The following ARHGEF3 variants were observed in gnomAD, a reference collection of about 807,000 sequenced individuals.
ARHGEF3 encodes the protein 59.8 kDA protein.
A neutral mutation model predicts 63.2 loss-of-function variants in ARHGEF3; 28 were observed. That is an observed-to-expected ratio of 0.44 (90% confidence interval 0.33 to 0.61). The LOEUF is 0.61. Ranked by LOEUF, ARHGEF3 falls within the 20% of genes least tolerant of loss-of-function variation. The pLI is 0.03. For missense variants in ARHGEF3, 533 were observed against 659.3 expected, an observed-to-expected ratio of 0.81 and a Z score of 2.10; for synonymous variants, 266 against 254.2, an observed-to-expected ratio of 1.05 and a Z score of -0.44.
At chr3:56,862,978 C>A (rs1264485651) in intron 4 of ARHGEF3, among the ~76,000 whole-genome samples, 1 of 152,130 alleles carries the variant, frequency 6.6e-6, no homozygotes, top group Non-Finnish European at 1.5e-5. Flanking sequence ...TAATTAAAGA[C>A]CGGTCTTGTT....
chr3:56,888,478 G>A (rs1160952025), intron 3 of ARHGEF3, among the ~76,000 whole-genome samples: 2 of 152,194 alleles, frequency 1.3e-5, no homozygotes, highest in Admixed American at 6.5e-5. Context: ...GGCAGTTACA[G>A]AGGAGAATTT....
At chr3:56,869,298 T>G (rs1275413099) in intron 4 of ARHGEF3, among the ~76,000 whole-genome samples, 1 of 152,228 alleles carries the variant, frequency 6.6e-6, no homozygotes, top group African/African-American at 2.4e-5. Context: ...GATAAGCCCG[T>G]GATTTCGTTT....
chr3:56,877,167 G>A (rs533962472), intron 4 of ARHGEF3, among the ~76,000 whole-genome samples: 59 of 152,238 alleles, frequency 3.9e-4, no homozygotes, highest in Non-Finnish European at 7.1e-4. Flanking sequence ...CATGTTCCTG[G>A]ATGCCCATCA....
rs1047140144 is a variant in ARHGEF3, at chr3:56,808,152, T to G, written c.193-34336A>C. Among the ~76,000 whole-genome samples the G allele has an allele frequency of 2.0e-5, 3 of 150,906 alleles. No individual in the cohort carries two copies. In the East Asian group the frequency reaches 5.9e-4, roughly 30 times the overall value. On this transcript the variant is annotated intron_variant, in intron 4 of 12. Coordinates refer to the ARHGEF3 transcript ENST00000338458. ...AAAAAAAAAAAAAAGTATCCCCGGATAGTCTAAAGCTGGAAGGCTTAATTC... is the reference window on the plus strand; with the variant it reads ...AAAAAAAAAAAAAAGTATCCCCGGAGAGTCTAAAGCTGGAAGGCTTAATTC...
intron 2 of ARHGEF3, among the ~76,000 whole-genome samples, chr3:56,992,032 G>C (rs879716659): frequency 0.03 from 4,167 of 137,552 alleles, 164 homozygotes; most frequent in African/African-American, 0.1. Flanking sequence ...CTCTGTGTGT[G>C]TGTGTGTGTG....
intron 4 of ARHGEF3, among the ~76,000 whole-genome samples, chr3:56,823,918 T>C (rs751908012): frequency 6.7e-6 from 1 of 148,564 alleles, no homozygotes; most frequent in South Asian, 2.1e-4. Flanking sequence ...AGTAAGAATA[T>C]GTTAGAGGAG....
At chr3:56,780,923 T>G (rs1048114611) in intron 1 of ARHGEF3, among the ~76,000 whole-genome samples, 12 of 152,228 alleles carry the variant, frequency 7.9e-5, no homozygotes, top group Non-Finnish European at 1.5e-4. Context: ...GAAAGATAAG[T>G]GTAAGTTCTT....
chr3:56,767,440 C>T (rs1417566591), intron 2 of ARHGEF3, among the ~76,000 whole-genome samples: 2 of 151,680 alleles, frequency 1.3e-5, no homozygotes, highest in African/African-American at 4.8e-5. Flanking sequence ...AAAAATTAGC[C>T]GGGCGTGGTG....
chr3:56,791,419 G>A (rs2037071821), intron 1 of ARHGEF3, among the ~76,000 whole-genome samples: 1 of 152,134 alleles, frequency 6.6e-6, no homozygotes, highest in Non-Finnish European at 1.5e-5. Context: ...CTCCAGCCTA[G>A]GCAACAGAAC....
At chr3:56,981,955 C>T (rs1701343711) in intron 2 of ARHGEF3, among the ~76,000 whole-genome samples, 1 of 152,212 alleles carries the variant, frequency 6.6e-6, no homozygotes, top group African/African-American at 2.4e-5. Flanking sequence ...CCCCAGGCTC[C>T]AGAGATGGGC....
rs1260259386 is a variant in ARHGEF3 at position 56,968,120 on chromosome 3, AT to A, written c.63-9232del. On this transcript the variant is annotated intron_variant, in intron 2 of 12. Transcript: ENST00000338458. ...AAAATATATATTGTATATAATATAT[AT>A]AAAACATATATTTTTATATATAATA... 7.4e-5 allele frequency among the ~76,000 whole-genome samples: 4 copies of A among 54,248 alleles called. No homozygotes were observed. In the South Asian group the frequency reaches 2.1e-3, roughly 29 times the overall value. The allele number at this position is 54,248 out of a possible 152,430, so 35.6% of individuals were successfully genotyped here.
At chr3:56,890,398 T>C (rs1410489330) in intron 3 of ARHGEF3, among the ~76,000 whole-genome samples, 1 of 152,224 alleles carries the variant, frequency 6.6e-6, no homozygotes, top group Non-Finnish European at 1.5e-5. Flanking sequence ...AATAAAATAT[T>C]TCGAACAGAG....
chr3:56,961,820 A>C (rs936967453), intron 2 of ARHGEF3, among the ~76,000 whole-genome samples: 15 of 152,162 alleles, frequency 9.9e-5, no homozygotes, highest in Non-Finnish European at 1.8e-4. Context: ...AGGTGGGAGG[A>C]TCACTTGAAG....
intron 3 of ARHGEF3, chr3:56,940,287 T>C (rs1202880530): frequency 6.6e-6 from 1 of 152,186 alleles, no homozygotes; most frequent in African/African-American, 2.4e-5. Flanking sequence ...GCAACTAGGA[T>C]TTTGTAATTA....
intron 4 of ARHGEF3, among the ~76,000 whole-genome samples, chr3:56,825,642 T>C (rs2038687224): frequency 6.6e-6 from 1 of 152,226 alleles, no homozygotes; most frequent in Admixed American, 6.5e-5. Context: ...TGACAGCAAC[T>C]CGGTGAGGCT....
chr3:56,997,980 TG>T (rs1424083751), intron 2 of ARHGEF3, among the ~76,000 whole-genome samples: 3 of 152,226 alleles, frequency 2.0e-5, no homozygotes, highest in Non-Finnish European at 4.4e-5. Flanking sequence ...TTTCCTCATC[TG>T]CAAAATGAGG....
intron 4 of ARHGEF3, among the ~76,000 whole-genome samples, chr3:56,852,449 C>T (rs1640595218): frequency 6.6e-6 from 1 of 152,128 alleles, no homozygotes; most frequent in South Asian, 2.1e-4. Flanking sequence ...ACCACACTGA[C>T]CCTATTGCAG....
At chr3:56,973,142 G>C (rs527653335) in intron 2 of ARHGEF3, among the ~76,000 whole-genome samples, 40 of 151,568 alleles carry the variant, frequency 2.6e-4, no homozygotes, top group Middle Eastern at 3.4e-3. Context: ...TCAGCCTCCC[G>C]AGTAGCTGGG....
At chr3:56,772,334 T>C (rs1482218526) in intron 2 of ARHGEF3, among the ~76,000 whole-genome samples, 1 of 152,086 alleles carries the variant, frequency 6.6e-6, no homozygotes, top group Non-Finnish European at 1.5e-5. Context: ...GGCTGTATGG[T>C]AGGCAGGCAA....
Sources: allele counts gnomAD v4.1 joint callset (sites outside exome capture counted in the v4.1 genomes callset), GRCh38; gene constraint gnomAD v4.1.1; transcripts MANE v1.5; gene names NCBI Gene and HGNC (gene_info 2026-07-23, HGNC 2026-07-21).